KCTD16: variants seen among roughly 807,000 people sequenced by gnomAD.
The protein encoded by KCTD16 is potassium channel tetramerization domain containing 16.
In KCTD16, 13 loss-of-function variants were observed where a neutral mutation model predicts 33.2. The ratio of observed to expected loss-of-function variants is 0.39; its 90% CI spans 0.25 to 0.62. KCTD16 has a LOEUF of 0.62. Among genes scored for constraint, KCTD16 ranks in the 20% least tolerant of loss-of-function variants. The pLI, the probability that KCTD16 is intolerant of heterozygous loss-of-function variation, is 0.50. For missense variants in KCTD16, 441 were observed against 525.1 expected (o/e 0.84, Z 1.57); for synonymous variants, 197 against 195.3 (o/e 1.01, Z -0.07).
At chr5:144,282,613 C>T (rs994012505) in intron 3 of KCTD16, among the ~76,000 whole-genome samples, 2 of 152,196 alleles carry the variant, frequency 1.3e-5, no homozygotes, top group Non-Finnish European at 2.9e-5. Context: ...GAAACAACCT[C>T]CACACATCTG....
In KCTD16 at chr5:144,485,432, C is replaced by T. The variant is rs1433924030; in HGVS notation, c.*11318C>T. ...ATATAAAAAATTAATTTGCTATTAA[C>T]TGCTTTCATATTCTGTTTAGTTCTT... On this transcript the variant is annotated 3_prime_UTR_variant, in exon 4 of 4. Transcript: ENST00000512467. The T allele has an allele frequency of 6.6e-6, 1 of 151,844 alleles. No individual in the cohort carries two copies. The highest frequency in any genetic ancestry group is 1.5e-5 in the Non-Finnish European group (1 of 67,878). The allele number at this position is 151,844 out of a possible 1,614,324, so 9.4% of individuals were successfully genotyped here.
In KCTD16 at chr5:144,482,394, G is replaced by T. The variant is rs1754721388; in HGVS notation, c.*8280G>T. ...CGTGATAAGCTAGCTTCCACGTCTG[G>T]AGAAAATGACACCTGCAATTGCTTG... On this transcript the variant is annotated 3_prime_UTR_variant, in exon 4 of 4. Coordinates refer to ENST00000512467, the MANE Select transcript of KCTD16 (RefSeq NM_020768.4). The T allele has an allele frequency of 6.6e-6, 1 of 151,898 alleles. No homozygotes were observed. Among genetic ancestry groups the T allele is most frequent in the Admixed American group, 6.6e-5 (1 of 15,236 alleles). 9.4% of individuals were successfully genotyped at this position (151,898 alleles called of 1,614,324 possible).
intron 3 of KCTD16, among the ~76,000 whole-genome samples, chr5:144,420,431 T>C (rs1300796185): frequency 6.6e-6 from 1 of 152,032 alleles, no homozygotes; most frequent in Non-Finnish European, 1.5e-5. Context: ...GGAAGTGACA[T>C]TGACAAACTT....
At chr5:144,368,657 C>T (rs1561582754) in intron 3 of KCTD16, among the ~76,000 whole-genome samples, 1 of 152,180 alleles carries the variant, frequency 6.6e-6, no homozygotes, top group Non-Finnish European at 1.5e-5. Context: ...CTAAGCTACA[C>T]TGGACCTGGA....
intron 3 of KCTD16, among the ~76,000 whole-genome samples, chr5:144,285,939 A>G (rs1755731859): frequency 6.9e-6 from 1 of 144,494 alleles, no homozygotes; most frequent in African/African-American, 2.6e-5. Flanking sequence ...AAAATGTGTG[A>G]TTTTAATGGC....
rs1302133994 is a variant in KCTD16 at position 144,299,059 on chromosome 5, TA to T, written c.832+91514del. On this transcript the variant is annotated intron_variant, in intron 3 of 3. Transcript: ENST00000512467. The stretch of plus-strand genomic sequence containing the variant: ...AAACAGATCACTATATATATATATA[TA>T]TATATATATATATTTTTGTATATAT... Among the ~76,000 whole-genome samples the T allele has an allele frequency of 3.7e-3, 341 of 93,388 alleles. 32 individuals are homozygous for T. Among genetic ancestry groups the T allele is most frequent in the African/African-American group, 9.5e-3 (235 of 24,812 alleles). 61.3% of individuals were successfully genotyped at this position (93,388 alleles called of 152,430 possible). A position where few individuals can be genotyped will look rare whatever the true frequency, so the allele number is the denominator to read the frequency against.
chr5:144,416,408 C>T (rs950365891), intron 3 of KCTD16, among the ~76,000 whole-genome samples: 6 of 152,118 alleles, frequency 3.9e-5, no homozygotes, highest in Admixed American at 6.5e-5. Flanking sequence ...GGACAAGTTA[C>T]GTCATCATTC....
At chr5:144,376,295 A>G (rs901180860) in intron 3 of KCTD16, among the ~76,000 whole-genome samples, 2 of 152,136 alleles carry the variant, frequency 1.3e-5, no homozygotes, top group Non-Finnish European at 2.9e-5. Context: ...TACTTTATTT[A>G]TGAAAGGTAT....
At chr5:144,201,394 T>C (rs562514120) in intron 2 of KCTD16, among the ~76,000 whole-genome samples, 17 of 152,324 alleles carry the variant, frequency 1.1e-4, no homozygotes, top group African/African-American at 4.1e-4. Context: ...ACCTGAATTT[T>C]CATACTGGAA....
At chr5:144,453,500 G>T (rs193156534) in intron 3 of KCTD16, among the ~76,000 whole-genome samples, 2 of 152,234 alleles carry the variant, frequency 1.3e-5, no homozygotes, top group East Asian at 3.9e-4. Context: ...AGGATGAGGG[G>T]TTTTAGTGTT....
At chr5:144,393,973 T>C (rs563005557) in intron 3 of KCTD16, among the ~76,000 whole-genome samples, 1 of 150,108 alleles carries the variant, frequency 6.7e-6, no homozygotes, top group Non-Finnish European at 1.5e-5. Flanking sequence ...CTTTTTTTTT[T>C]TTTTTTTGTT....
At chr5:144,446,837 C>T (rs1470456996) in intron 3 of KCTD16, among the ~76,000 whole-genome samples, 1 of 152,024 alleles carries the variant, frequency 6.6e-6, no homozygotes, top group Non-Finnish European at 1.5e-5. Flanking sequence ...TAGAGAAATG[C>T]AAATCAAAAC....
At chr5:144,285,962 C>CTTT (rs34103216) in intron 3 of KCTD16, among the ~76,000 whole-genome samples, 1 of 117,506 alleles carries the variant, frequency 8.5e-6, no homozygotes, top group African/African-American at 3.2e-5. Context: ...CCATCCTAAT[C>CTTT]TTTTTTTTTT....
intron 3 of KCTD16, among the ~76,000 whole-genome samples, chr5:144,458,371 C>T (rs973081741): frequency 6.6e-6 from 1 of 152,138 alleles, no homozygotes; most frequent in African/African-American, 2.4e-5. Flanking sequence ...TTTCTTAGTA[C>T]TGCCACTTGA....
intron 2 of KCTD16, among the ~76,000 whole-genome samples, chr5:144,181,222 C>T (rs569121658): frequency 2.0e-5 from 3 of 152,258 alleles, no homozygotes; most frequent in East Asian, 3.9e-4. Flanking sequence ...CGTGAGCCAC[C>T]GTGCCCAGCC....
At chr5:144,253,822 A>G (rs1754768425) in intron 3 of KCTD16, among the ~76,000 whole-genome samples, 1 of 152,254 alleles carries the variant, frequency 6.6e-6, no homozygotes, top group Non-Finnish European at 1.5e-5. Context: ...GAAAAAATAC[A>G]TATACCTAGA....
At chr5:144,207,876 C>T (rs1466464487) in intron 3 of KCTD16, among the ~76,000 whole-genome samples, 1 of 152,206 alleles carries the variant, frequency 6.6e-6, no homozygotes, top group African/African-American at 2.4e-5. Flanking sequence ...ATTATTACAT[C>T]TTGGCTGTTT....
intron 3 of KCTD16, among the ~76,000 whole-genome samples, chr5:144,458,408 A>G (rs183204743): frequency 6.6e-6 from 1 of 152,266 alleles, no homozygotes; most frequent in East Asian, 1.9e-4. Context: ...ACTGCACCAT[A>G]TGTGAATTGT....
rs564129632 is a variant in KCTD16, at chr5:144,297,498, C to A, written c.832+89952C>A. On this transcript the variant is annotated intron_variant, in intron 3 of 3. Coordinates refer to ENST00000512467, the MANE Select transcript of KCTD16 (RefSeq NM_020768.4). ...CAGACATTTCATCAGATATATACTA[C>A]ATATGTTGCAGAAGAATTGTACTTC... is the stretch of plus-strand genomic sequence containing the variant. 5.3e-5 allele frequency among the ~76,000 whole-genome samples: 8 copies of A among 152,318 alleles called. No homozygotes were observed. The South Asian group carries it at 1.7e-3, about 32-fold the overall frequency.
Sources: allele counts gnomAD v4.1 joint callset (sites outside exome capture counted in the v4.1 genomes callset), GRCh38; gene constraint gnomAD v4.1.1; transcripts MANE v1.5; gene names NCBI Gene and HGNC (gene_info 2026-07-23, HGNC 2026-07-21).